Variants in CAST observed in about 807,000 individuals in gnomAD.
The protein encoded by CAST is MIR583 host.
CAST carries 76 observed loss-of-function variants against 119.6 expected under a neutral mutation model. That is an observed-to-expected ratio of 0.64 (90% CI 0.53 to 0.77). CAST has a LOEUF of 0.77. Ranked by LOEUF, CAST falls within the 30% of genes least tolerant of loss-of-function variation. CAST has a pLI of 0.00. For missense variants in CAST, 953 were observed against 946.5 expected (o/e 1.01, Z -0.09); for synonymous variants, 319 against 331.6 (o/e 0.96, Z 0.41).
Position 96,740,749 on chromosome 5 carries a change from A to G in CAST, c.884A>G (p.Lys295Arg), listed in dbSNP as rs373654489. 53 of 1,597,064 alleles carry G rather than the reference A, an allele frequency of 3.3e-5. No individual in the cohort carries two copies. The highest frequency in any genetic ancestry group is 4.4e-5 in the Non-Finnish European group (51 of 1,164,530). ...TCAAATTAATATTTGTTTCAGAAAA[A>G]GGAAGGGATCACAGGGCCTCCTGCA... is the stretch of plus-strand genomic sequence containing the variant. ...PPKYRELLAK[K>R]EGITGPPADS... The change falls in exon 13 of 32, where the codon AAG becomes AGG. Residue 295 changes from lysine (K) to arginine (R), a missense_variant. Lys to Arg is a conservative substitution (Grantham distance 26). Transcript: ENST00000675179.
At chr5:96,061,978 A>ATATGGC in the CAST span, among the ~76,000 whole-genome samples, 5 of 152,118 alleles carry the variant, frequency 3.3e-5, no homozygotes, top group Non-Finnish European at 7.4e-5. Context: ...TATGTTTGTT[A>ATATGGC]TATGGCGCCA....
At chr5:95,999,770 A>C in the CAST span, among the ~76,000 whole-genome samples, 1 of 152,162 alleles carries the variant, frequency 6.6e-6, no homozygotes. Flanking sequence ...GTAAATACTT[A>C]GGGCGGAATT....
chr5:96,139,510 A>T, the CAST span, among the ~76,000 whole-genome samples: 1 of 141,706 alleles, frequency 7.1e-6, no homozygotes, highest in Non-Finnish European at 1.5e-5. Flanking sequence ...ATATACACAT[A>T]TATATATGTG....
chr5:96,618,864 G>A (rs1747529710), intron 1 of CAST, among the ~76,000 whole-genome samples: 1 of 152,248 alleles, frequency 6.6e-6, no homozygotes, highest in African/African-American at 2.4e-5. Flanking sequence ...GCGCAGGACT[G>A]GCAGGCAGCT....
the CAST span, among the ~76,000 whole-genome samples, chr5:96,246,701 C>G: frequency 1.3e-5 from 2 of 152,174 alleles, no homozygotes; most frequent in Non-Finnish European, 2.9e-5. Context: ...TTCCTCCCCT[C>G]AAATTGCCAG....
intron 1 of CAST, among the ~76,000 whole-genome samples, chr5:96,559,864 C>A (rs1048213899): frequency 2.0e-5 from 3 of 152,118 alleles, no homozygotes; most frequent in African/African-American, 7.2e-5. Flanking sequence ...CTTTAAAGTT[C>A]ATATGGAACC....
At chr5:96,340,193 T>A in the CAST span, among the ~76,000 whole-genome samples, 1 of 152,218 alleles carries the variant, frequency 6.6e-6, no homozygotes, top group South Asian at 2.1e-4. Flanking sequence ...GGATACACTC[T>A]TATCTAATTT....
intron 1 of CAST, among the ~76,000 whole-genome samples, chr5:96,545,614 G>A (rs1030137784): frequency 8.5e-5 from 13 of 152,192 alleles, no homozygotes; most frequent in Admixed American, 2.6e-4. Context: ...GTTGGTCTCT[G>A]CTGTTGATAG....
intron 1 of CAST, among the ~76,000 whole-genome samples, chr5:96,651,912 G>T (rs952905623): frequency 3.9e-5 from 6 of 152,186 alleles, no homozygotes; most frequent in Non-Finnish European, 8.8e-5. Flanking sequence ...AAGGAATAAA[G>T]ACACACATAT....
the CAST span, among the ~76,000 whole-genome samples, chr5:96,452,137 C>T: frequency 6.6e-6 from 1 of 152,162 alleles, no homozygotes; most frequent in Non-Finnish European, 1.5e-5. Context: ...AATCCCATTA[C>T]TGAGTATATA....
the CAST span, among the ~76,000 whole-genome samples, chr5:96,469,238 C>G: frequency 1.3e-5 from 2 of 152,046 alleles, no homozygotes; most frequent in Non-Finnish European, 2.9e-5. Context: ...TGATTAAACG[C>G]ACTCCCACAA....
chr5:96,423,287 A>T, the CAST span: 2 of 1,593,268 alleles, frequency 1.3e-6, no homozygotes, highest in South Asian at 2.3e-5. Flanking sequence ...TCCCTAAGTC[A>T]CAGTCATGAG....
upstream of CAST, among the ~76,000 whole-genome samples, chr5:96,522,044 A>G (rs1387087660): frequency 1.3e-5 from 2 of 152,008 alleles, no homozygotes; most frequent in Admixed American, 1.3e-4. Context: ...TGAACCCTGG[A>G]GGTGGAGCTT....
intron 1 of CAST, among the ~76,000 whole-genome samples, chr5:96,562,219 T>C (rs1746388373): frequency 6.6e-6 from 1 of 151,682 alleles, no homozygotes; most frequent in South Asian, 2.1e-4. Context: ...ATCCATAGGG[T>C]AAAATATTAT....
chr5:96,142,575 TA>T, the CAST span, among the ~76,000 whole-genome samples: 1 of 152,218 alleles, frequency 6.6e-6, no homozygotes. Flanking sequence ...TTGATACCTA[TA>T]AATGTTAAAT....
chr5:96,332,413 G>A, the CAST span, among the ~76,000 whole-genome samples: 2 of 149,978 alleles, frequency 1.3e-5, no homozygotes, highest in Non-Finnish European at 3.0e-5. Flanking sequence ...AATTGATTTC[G>A]GCTTTTTTTT....
chr5:96,300,576 TA>T, the CAST span, among the ~76,000 whole-genome samples: 3 of 139,120 alleles, frequency 2.2e-5, no homozygotes, highest in Non-Finnish European at 1.6e-5. Context: ...TTGCCTTTGC[TA>T]TTTTTTTTTT....
the CAST span, among the ~76,000 whole-genome samples, chr5:96,257,601 G>C: frequency 6.6e-6 from 1 of 152,150 alleles, no homozygotes; most frequent in Non-Finnish European, 1.5e-5. Flanking sequence ...GTAAATCCAG[G>C]GAAGACATTC....
At chr5:95,985,402 AGATTT>A in the CAST span, among the ~76,000 whole-genome samples, 17 of 152,362 alleles carry the variant, frequency 1.1e-4, no homozygotes, top group East Asian at 2.7e-3. Context: ...CCAGTAAAGA[AGATTT>A]GAATAGAAGC....
Sources: allele counts gnomAD v4.1 joint callset (sites outside exome capture counted in the v4.1 genomes callset), GRCh38; gene constraint gnomAD v4.1.1; transcripts MANE v1.5; gene names NCBI Gene and HGNC (gene_info 2026-07-23, HGNC 2026-07-21).